DCAF8L2: variants seen among roughly 807,000 people sequenced by gnomAD.
DCAF8L2 encodes the protein DDB1- and CUL4-associated factor 8-like protein 2.
For missense variants in DCAF8L2, 430 were observed against 490.7 expected, an observed-to-expected ratio of 0.88 and a Z score of 1.17; for synonymous variants, 200 against 190.9, an observed-to-expected ratio of 1.05 and a Z score of -0.39.
chrX:27,533,232 A>AAGAC, the DCAF8L2 span, among the ~76,000 whole-genome samples: 1 of 36,966 alleles, frequency 2.7e-5, no homozygotes, highest in Non-Finnish European at 6.3e-5. Context: ...GAAAGAAAGA[A>AAGAC]AGAGAAAGAA....
chrX:27,538,885 T>G, the DCAF8L2 span, among the ~76,000 whole-genome samples: 17 of 112,418 alleles, frequency 1.5e-4, no homozygotes, highest in Non-Finnish European at 3.0e-4. Context: ...ATATTTCATT[T>G]ACATTTCACA....
At chrX:27,516,497 C>A in the DCAF8L2 span, among the ~76,000 whole-genome samples, 1 of 106,973 alleles carries the variant, frequency 9.3e-6, no homozygotes, top group African/African-American at 3.6e-5. Context: ...AACACACACA[C>A]ATACTCTCTC....
the DCAF8L2 span, among the ~76,000 whole-genome samples, chrX:27,502,521 T>A: frequency 9.6e-6 from 1 of 104,389 alleles, no homozygotes; most frequent in Non-Finnish European, 2.0e-5. Context: ...CTTCAACCAG[T>A]TACTAAGTTA....
chrX:27,724,600 G>C (rs746112083), intron 4 of DCAF8L2, among the ~76,000 whole-genome samples: 1 of 111,129 alleles, frequency 9.0e-6, no homozygotes, highest in Admixed American at 9.6e-5. Flanking sequence ...ACTAACTTTA[G>C]TGGAATATAT....
chrX:27,527,993 T>TAAATTAAATTTTTAATTTAATTA, the DCAF8L2 span, among the ~76,000 whole-genome samples: 1 of 36,273 alleles, frequency 2.8e-5, no homozygotes, highest in Non-Finnish European at 5.1e-5. Context: ...TTTAATTAAT[T>TAAATTAAATTTTTAATTTAATTA]ATTAAATTAA....
the DCAF8L2 span, among the ~76,000 whole-genome samples, chrX:27,557,537 A>G: frequency 8.9e-6 from 1 of 111,895 alleles, no homozygotes; most frequent in East Asian, 2.8e-4. Context: ...TTGCTGAGAA[A>G]GAGTTTGGAA....
At chrX:27,684,343 T>C (rs1419661151) in intron 3 of DCAF8L2, among the ~76,000 whole-genome samples, 1 of 111,929 alleles carries the variant, frequency 8.9e-6, no homozygotes, top group East Asian at 2.8e-4. Flanking sequence ...TAGACACTTA[T>C]AGGTCCTATC....
At chrX:27,490,935 C>T in the DCAF8L2 span, among the ~76,000 whole-genome samples, 1 of 111,675 alleles carries the variant, frequency 9.0e-6, no homozygotes, top group African/African-American at 3.3e-5. Flanking sequence ...TGAACACAGG[C>T]AGTAAATAAA....
At position 27,748,366 on chromosome X, in the gene DCAF8L2, T is replaced by C. The variant is rs770168129; in HGVS notation, c.1471T>C (p.Cys491Arg). The change falls in exon 5 of 5, where the codon TGC (cysteine) becomes CGC (arginine). Residue 491 changes from cysteine to arginine, a missense_variant. Transcript: ENST00000451261. ...RSEFVVSGSDCGHIFFWEKSS... is the reference protein window; with the variant it reads ...RSEFVVSGSDRGHIFFWEKSS... Reference sequence around the variant, plus strand: ...TGAGTTTGTAGTGAGCGGTAGTGATTGCGGGCACATCTTCTTCTGGGAGAA... The same window carrying C: ...TGAGTTTGTAGTGAGCGGTAGTGATCGCGGGCACATCTTCTTCTGGGAGAA... 1.0e-5 allele frequency: 12 copies of C among 1,205,279 alleles called. No individual in the cohort carries two copies. The highest frequency in any genetic ancestry group is 1.2e-5 in the Non-Finnish European group (11 of 891,569).
At chrX:27,653,309 G>A (rs1929218757) in intron 2 of DCAF8L2, among the ~76,000 whole-genome samples, 1 of 111,665 alleles carries the variant, frequency 9.0e-6, no homozygotes, top group East Asian at 2.8e-4. Context: ...GTGGGCATAG[G>A]TCAGAAGAAA....
chrX:27,514,818 T>C, the DCAF8L2 span, among the ~76,000 whole-genome samples: 198 of 109,776 alleles, frequency 1.8e-3, 2 homozygotes, highest in Non-Finnish European at 3.3e-3. Flanking sequence ...CTCACTCATA[T>C]GTGGAATCTA....
At chrX:27,584,295 T>C in the DCAF8L2 span, among the ~76,000 whole-genome samples, 11 of 109,419 alleles carry the variant, frequency 1.0e-4, no homozygotes, top group African/African-American at 3.6e-4. Context: ...AGTCTGTTTA[T>C]ACACACACAC....
At chrX:27,512,779 CAAAAAAAAAAAAAAAAA>C in the DCAF8L2 span, among the ~76,000 whole-genome samples, 5 of 18,551 alleles carry the variant, frequency 2.7e-4, no homozygotes, top group South Asian at 0.015. Context: ...CAATCTTGAG[CAAAAAAAAAAAAAAAAA>C]AAAAAAAAAA....
At chrX:27,606,294 A>G (rs948133138) in intron 1 of DCAF8L2, among the ~76,000 whole-genome samples, 10 of 86,910 alleles carry the variant, frequency 1.2e-4, no homozygotes, top group African/African-American at 3.9e-4. Flanking sequence ...TAGGAATTAT[A>G]TATATATGAA....
intron 3 of DCAF8L2, among the ~76,000 whole-genome samples, chrX:27,689,648 C>G (rs1314269313): frequency 8.9e-6 from 1 of 112,580 alleles, no homozygotes; most frequent in Non-Finnish European, 1.9e-5. Context: ...CAATGGAATG[C>G]CATGTAGCCA....
At chrX:27,626,956 T>C (rs916870889) in intron 1 of DCAF8L2, among the ~76,000 whole-genome samples, 1 of 111,098 alleles carries the variant, frequency 9.0e-6, no homozygotes, top group African/African-American at 3.3e-5. Context: ...AAATCAATTC[T>C]TTTGTTACAT....
the DCAF8L2 span, among the ~76,000 whole-genome samples, chrX:27,526,788 C>A: frequency 8.9e-6 from 1 of 112,724 alleles, no homozygotes; most frequent in Non-Finnish European, 1.9e-5. Flanking sequence ...GCTGGAGGTC[C>A]ACTCCAGACC....
At chrX:27,513,373 T>A in the DCAF8L2 span, among the ~76,000 whole-genome samples, 1 of 111,582 alleles carries the variant, frequency 9.0e-6, no homozygotes, top group Non-Finnish European at 1.9e-5. Flanking sequence ...ATATAAGGAA[T>A]GCAAACAACT....
chrX:27,597,076 A>G (rs1926395609), intron 1 of DCAF8L2, among the ~76,000 whole-genome samples: 1 of 111,884 alleles, frequency 8.9e-6, no homozygotes, highest in Admixed American at 9.5e-5. Flanking sequence ...TTGGATTTGG[A>G]GTTAACATGA....
Sources: gnomAD v4.1 joint callset for allele counts (sites outside exome capture counted in the v4.1 genomes callset) on GRCh38, gnomAD v4.1.1 for gene constraint, MANE v1.5 for transcripts, NCBI Gene and HGNC (gene_info 2026-07-23, HGNC 2026-07-21) for gene names.